Variants in DNAH17 observed in about 807,000 individuals in gnomAD.
DNAH17 encodes the protein dynein axonemal heavy chain 17, also known as axonemal beta dynein heavy chain 17.
A neutral mutation model predicts 485.6 loss-of-function variants in DNAH17; 376 were observed. That is an observed-to-expected ratio of 0.77 (90% CI 0.71 to 0.84). The LOEUF (loss-of-function observed/expected upper bound fraction) is 0.84, where lower values mean the gene tolerates loss of function less well. DNAH17 is among the 40% of genes least tolerant of loss of function. DNAH17 has a pLI of 0.00. For missense variants in DNAH17, 6,370 were observed against 5,839.3 expected, an observed-to-expected ratio of 1.09 and a Z score of -2.96; for synonymous variants, 3,031 against 2,405.9, an observed-to-expected ratio of 1.26 and a Z score of -7.60.
chr17:78,447,609 G>T (rs1337828587), intron 69 of DNAH17, among the ~76,000 whole-genome samples: 1 of 152,092 alleles, frequency 6.6e-6, no homozygotes, highest in African/African-American at 2.4e-5. Context: ...ACGTTCTTTG[G>T]GACCAAAGAG....
intron 57 of DNAH17, 130 bp from the exon 58 acceptor site, chr17:78,461,838 G>A (rs868724216): frequency 2.6e-5 from 21 of 794,318 alleles, no homozygotes; most frequent in African/African-American, 1.6e-4. Flanking sequence ...GACTCCCAGT[G>A]ACTCGTTTTG....
intron 16 of DNAH17, among the ~76,000 whole-genome samples, chr17:78,546,525 A>T (rs945768274): frequency 1.3e-5 from 2 of 152,060 alleles, no homozygotes; most frequent in African/African-American, 4.8e-5. Flanking sequence ...TTCTTTACTG[A>T]TTTGGATAGG....
In DNAH17 at chr17:78,423,785, G is replaced by A. The variant is rs930506200; in HGVS notation, c.*121C>T. 114 of 1,322,016 alleles carry A rather than the reference G, an allele frequency of 8.6e-5. No individual in the cohort carries two copies. The highest frequency in any genetic ancestry group is 1.0e-4 in the Non-Finnish European group (100 of 955,998). The allele number at this position is 1,322,016 out of a possible 1,614,324, so 81.9% of individuals were successfully genotyped here. A position where few individuals can be genotyped will look rare whatever the true frequency, so the allele number is the denominator to read the frequency against. On this transcript the variant is annotated 3_prime_UTR_variant, in exon 81 of 81. Transcript: ENST00000389840. ...CGATGTGCTTGGTTACAAAGCACCT[G>A]ATTATTTAAGAGAACGAAAAACCAC...
In DNAH17 at chr17:78,530,340, C is replaced by T; in HGVS notation, c.3284+3G>A. ...CTCCCCGAGTACATGGCTGGGGACC[C>T]ACCTGTTGGTGACGTGGTTGCTCAG... On this transcript the variant is annotated splice_donor_region_variant and intron_variant, in intron 21 of 80. Transcript: ENST00000389840. 1.9e-6 allele frequency: 3 copies of T among 1,604,628 alleles called. No homozygotes were observed. The highest frequency in any genetic ancestry group is 2.6e-6 in the Non-Finnish European group (3 of 1,173,058).
chr17:78,479,220 T>A, intron 50 of DNAH17, 104 bp from the exon 51 acceptor site: 1 of 1,199,268 alleles, frequency 8.3e-7, no homozygotes. Context: ...TGGTGACAAC[T>A]GGAGTAAGAA....
chr17:78,557,060 A>G (rs757024924), intron 14 of DNAH17, among the ~76,000 whole-genome samples: 4 of 152,128 alleles, frequency 2.6e-5, no homozygotes, highest in Admixed American at 6.5e-5. Flanking sequence ...AGTTTTTCCA[A>G]AGTCAACCTC....
intron 29 of DNAH17, among the ~76,000 whole-genome samples, 156 bp from the exon 30 acceptor site, chr17:78,507,002 C>T (rs1008454467): frequency 1.3e-5 from 2 of 152,168 alleles, no homozygotes; most frequent in African/African-American, 4.8e-5. Context: ...CGGAGGCTCT[C>T]GTTTCTTTGC....
rs556604902 is a variant in DNAH17 at position 78,500,626 on chromosome 17, A to G, written c.5484-165T>C. The stretch of plus-strand genomic sequence containing the variant: ...TGGGTTCAAATGATTCTCATGCCTC[A>G]GCCTCCCAAGTAGCTGGGACTATAG... On this transcript the variant is annotated intron_variant, in intron 35 of 80. Transcript: ENST00000389840. The G allele has an allele frequency of 1.9e-4, 115 of 597,192 alleles. No individual in the cohort carries two copies. In the African/African-American group the frequency reaches 2.1e-3, roughly 11 times the overall value. The allele number at this position is 597,192 out of a possible 1,614,324, so 37.0% of individuals were successfully genotyped here. A position where few individuals can be genotyped will look rare whatever the true frequency, so the allele number is the denominator to read the frequency against.
At chr17:78,441,337 AG>A in intron 71 of DNAH17, 138 bp from the exon 72 acceptor site, 1 of 955,876 alleles carries the variant, frequency 1.0e-6, no homozygotes, top group Non-Finnish European at 1.5e-6. Context: ...GTGGCAGGAG[AG>A]CAGAGTCTTT....
In DNAH17 at chr17:78,558,361, G is replaced by A. The variant is rs76926101; in HGVS notation, c.2032-107C>T. Reference sequence around the variant, plus strand: ...GCCCTGGGATGTTTTGACAGCCGGGGGGGATCTCAAAGTTGGTGGGAGGCA... The same window carrying A: ...GCCCTGGGATGTTTTGACAGCCGGGAGGGATCTCAAAGTTGGTGGGAGGCA... On this transcript the variant is annotated intron_variant, in intron 13 of 80. Transcript: ENST00000389840. 170,989 of 1,379,832 alleles carry A rather than the reference G, an allele frequency of 0.12. 11,361 individuals are homozygous for A. Among genetic ancestry groups the A allele is most frequent in the South Asian group, 0.18 (12,276 of 67,100 alleles). 85.5% of individuals were successfully genotyped at this position (1,379,832 alleles called of 1,614,324 possible). A position where few individuals can be genotyped will look rare whatever the true frequency, so the allele number is the denominator to read the frequency against.
chr17:78,484,241 G>GGCTGCA (rs1224344102), intron 48 of DNAH17, among the ~76,000 whole-genome samples: 9 of 151,934 alleles, frequency 5.9e-5, no homozygotes, highest in African/African-American at 1.7e-4. Context: ...CTGGGATTCT[G>GGCTGCA]GCTGCAGCTG....
At chr17:78,573,674 G>T (rs1360614518) in intron 2 of DNAH17, among the ~76,000 whole-genome samples, 1 of 151,830 alleles carries the variant, frequency 6.6e-6, no homozygotes, top group Non-Finnish European at 1.5e-5. Context: ...GTCCTTACGA[G>T]GAGGGGAGAT....
intron 80 of DNAH17, 99 bp from the exon 81 acceptor site, chr17:78,424,252 A>C: frequency 1.4e-6 from 2 of 1,431,480 alleles, no homozygotes; most frequent in South Asian, 1.4e-5. Flanking sequence ...CCCTCTGCAG[A>C]GCTGGGCTCT....
intron 11 of DNAH17, among the ~76,000 whole-genome samples, chr17:78,563,232 A>T (rs1350052423): frequency 6.6e-6 from 1 of 152,054 alleles, no homozygotes; most frequent in Non-Finnish European, 1.5e-5. Context: ...AAAAATTGTC[A>T]CCCTTGGACC....
intron 37 of DNAH17, among the ~76,000 whole-genome samples, chr17:78,498,562 G>A (rs567494178): frequency 1.0e-3 from 158 of 152,192 alleles, no homozygotes; most frequent in Non-Finnish European, 1.9e-3. Context: ...GGTCGCCCCA[G>A]CCACTCCGCT....
At position 78,449,481 on chromosome 17, in the gene DNAH17, T is replaced by G; in HGVS notation, c.11144A>C (p.Tyr3715Ser). 1 of 1,569,226 alleles carries G rather than the reference T, an allele frequency of 6.4e-7. No individual in the cohort carries two copies. Among genetic ancestry groups the G allele is most frequent in the African/African-American group, 1.4e-5 (1 of 73,966 alleles). Reference sequence around the variant, plus strand: ...GAAGAGTCCCCGGGCCGTGTACATGTAGACGGAGTAGGTGATCTCGTCCGT... The same window carrying G: ...GAAGAGTCCCCGGGCCGTGTACATGGAGACGGAGTAGGTGATCTCGTCCGT... Reference protein sequence around the residue: ...NLTDEITYSVYMYTARGLFER... With the variant: ...NLTDEITYSVSMYTARGLFER... The change falls in exon 69 of 81, where the codon TAC becomes TCC. Residue 3715 changes from tyrosine (Y) to serine (S), a missense_variant. Transcript: ENST00000389840.
At chr17:78,573,611 AAG>A (rs1432261776) in intron 2 of DNAH17, among the ~76,000 whole-genome samples, 1 of 139,206 alleles carries the variant, frequency 7.2e-6, no homozygotes, top group African/African-American at 2.6e-5. Context: ...AAAAAAAAAA[AAG>A]AGGTGAGTAA....
Position 78,450,704 on chromosome 17 carries a change from G to A in DNAH17, c.10877C>T (p.Thr3626Ile), listed in dbSNP as rs780734460. The A allele has an allele frequency of 1.9e-6, 3 of 1,613,690 alleles. No individual in the cohort carries two copies. Among genetic ancestry groups the A allele is most frequent in the African/African-American group, 1.3e-5 (1 of 75,058 alleles). The stretch of plus-strand genomic sequence containing the variant: ...GACCTTCTCCTCGATCTCGCTGGCT[G>A]TGTGCTTGGTGGTCTCCAGATTCTC... ...LVENLETTKHTASEIEEKVVE... is the reference protein window; with the variant it reads ...LVENLETTKHIASEIEEKVVE... Residue 3626 changes from threonine (T) to isoleucine (I), a missense_variant, in exon 67 of 81, where the codon ACA (threonine) becomes ATA (isoleucine). By Grantham distance (89) the Thr-to-Ile change is moderately conservative. Coordinates refer to ENST00000389840, the MANE Select transcript of DNAH17 (RefSeq NM_173628.4).
At chr17:78,559,278 C>T (rs1277604524) in intron 13 of DNAH17, among the ~76,000 whole-genome samples, 1 of 152,216 alleles carries the variant, frequency 6.6e-6, no homozygotes, top group Non-Finnish European at 1.5e-5. Flanking sequence ...CTACTCAGCT[C>T]CTCTCTTTGG....
Sources: gnomAD v4.1 joint callset for allele counts (sites outside exome capture counted in the v4.1 genomes callset) on GRCh38, gnomAD v4.1.1 for gene constraint, MANE v1.5 for transcripts, NCBI Gene and HGNC (gene_info 2026-07-23, HGNC 2026-07-21) for gene names.